Variants in PCDHGB1 observed in about 807,000 individuals in gnomAD.
The protein encoded by PCDHGB1 is protocadherin gamma subfamily B, 1.
A neutral mutation model predicts 56.6 loss-of-function variants in PCDHGB1; 34 were observed. The ratio of observed to expected loss-of-function variants is 0.60; its 90% CI spans 0.46 to 0.80. The LOEUF (loss-of-function observed/expected upper bound fraction) is 0.80, where lower values mean the gene tolerates loss of function less well. Among genes scored for constraint, PCDHGB1 ranks in the 30% least tolerant of loss-of-function variants. PCDHGB1 has a pLI of 0.00. For synonymous variants in PCDHGB1, 561 were observed against 505.9 expected, an observed-to-expected ratio of 1.11 and a Z score of -1.46; for missense variants, 1,278 against 1,204.6, an observed-to-expected ratio of 1.06 and a Z score of -0.90.
intron 1 of PCDHGB1, among the ~76,000 whole-genome samples, chr5:141,402,439 G>C (rs1278186410): frequency 6.6e-6 from 1 of 151,914 alleles, no homozygotes; most frequent in East Asian, 1.9e-4. Context: ...TCATAAAAAG[G>C]AAATTATAAT....
Position 141,372,306 on chromosome 5 carries a change from G to T in PCDHGB1, c.2409+19637G>T, listed in dbSNP as rs771102617. 35 of 1,613,152 alleles carry T rather than the reference G, an allele frequency of 2.2e-5. No homozygotes were observed. Among genetic ancestry groups the T allele is most frequent in the African/African-American group, 9.3e-5 (7 of 75,056 alleles). ...GCGTACCTTGGGCGACAGGGAGGCC[G>T]CCCGCCAGCGCCTGCTGGTCACTGT... On this transcript the variant is annotated intron_variant, in intron 1 of 3. Coordinates refer to ENST00000523390, the MANE Select transcript of PCDHGB1 (RefSeq NM_018922.3).
At chr5:141,509,128 A>C (rs995210331) in intron 3 of PCDHGB1, among the ~76,000 whole-genome samples, 8 of 151,958 alleles carry the variant, frequency 5.3e-5, no homozygotes, top group African/African-American at 1.7e-4. Flanking sequence ...TGAAGAGAAA[A>C]ACCGAGGCGC....
intron 1 of PCDHGB1, chr5:141,385,016 C>T (rs536780147): frequency 1.2e-6 from 2 of 1,614,068 alleles, no homozygotes; most frequent in African/African-American, 1.3e-5. Flanking sequence ...GTCTTCCTAG[C>T]CTTCGTCCTC....
chr5:141,405,370 G>T (rs2094649512), intron 1 of PCDHGB1: 1 of 1,606,236 alleles, frequency 6.2e-7, no homozygotes, highest in Non-Finnish European at 8.5e-7. Context: ...ACACCCCTTT[G>T]GTTCCGGTGA....
chr5:141,457,937 G>A (rs916509260), intron 1 of PCDHGB1, among the ~76,000 whole-genome samples: 1 of 152,166 alleles, frequency 6.6e-6, no homozygotes, highest in African/African-American at 2.4e-5. Flanking sequence ...GGCTTTTATT[G>A]GCTCTGCATG....
intron 1 of PCDHGB1, chr5:141,375,181 C>A (rs868598149): frequency 4.3e-6 from 7 of 1,613,836 alleles, no homozygotes; most frequent in Non-Finnish European, 5.9e-6. Flanking sequence ...GAACAGTAAT[C>A]GCCCTTTTTC....
chr5:141,433,048 G>T (rs777523454), intron 1 of PCDHGB1: 20 of 1,614,142 alleles, frequency 1.2e-5, no homozygotes, highest in Non-Finnish European at 1.5e-5. Flanking sequence ...CCACGGACTC[G>T]CGGAAGAGTC....
At chr5:141,453,370 G>A (rs969698165) in intron 1 of PCDHGB1, among the ~76,000 whole-genome samples, 1 of 152,046 alleles carries the variant, frequency 6.6e-6, no homozygotes, top group Non-Finnish European at 1.5e-5. Context: ...CTGGGGTCAA[G>A]TGATCCTCCT....
chr5:141,395,182 C>A (rs143509166), intron 1 of PCDHGB1: 1 of 1,614,114 alleles, frequency 6.2e-7, no homozygotes, highest in South Asian at 1.1e-5. Context: ...AAAAATGATT[C>A]TTTGTTAACA....
At chr5:141,447,230 C>G (rs1309076828) in intron 1 of PCDHGB1, among the ~76,000 whole-genome samples, 1 of 152,132 alleles carries the variant, frequency 6.6e-6, no homozygotes, top group Non-Finnish European at 1.5e-5. Flanking sequence ...ACCTCCGCCT[C>G]CCGGGTTCAA....
At chr5:141,506,934 G>A (rs187503673) in intron 3 of PCDHGB1, among the ~76,000 whole-genome samples, 54 of 152,232 alleles carry the variant, frequency 3.5e-4, no homozygotes, top group African/African-American at 1.3e-3. Flanking sequence ...AAACTTTAGG[G>A]GCCTCCTGTC....
intron 1 of PCDHGB1, 48 bp from the exon 2 acceptor site, chr5:141,494,759 C>CT: frequency 6.2e-7 from 1 of 1,613,886 alleles, no homozygotes; most frequent in Non-Finnish European, 8.5e-7. Flanking sequence ...GGGTGACATT[C>CT]TAACTTCTCA....
rs762687404 is a variant in PCDHGB1 at position 141,486,468 on chromosome 5, A to G, written c.2410-8339A>G. Reference sequence around the variant, plus strand: ...ATGGTCACTGCTTCTGATGCTGGGAACCCTCCTCTCAGTACCCACAGAACT... The same window carrying G: ...ATGGTCACTGCTTCTGATGCTGGGAGCCCTCCTCTCAGTACCCACAGAACT... On this transcript the variant is annotated intron_variant, in intron 1 of 3. Transcript: ENST00000523390. This position sits in a 1 kb window ranked among gnomAD's most constrained non-coding sequence, Gnocchi z 5.0. The G allele has an allele frequency of 1.2e-6, 2 of 1,612,906 alleles. No individual in the cohort carries two copies. Among genetic ancestry groups the G allele is most frequent in the Middle Eastern group, 1.6e-4 (1 of 6,062 alleles).
At chr5:141,370,615 T>A in intron 1 of PCDHGB1, 2 of 1,613,882 alleles carry the variant, frequency 1.2e-6, no homozygotes, top group Non-Finnish European at 1.7e-6. Context: ...GAGAAGAAAT[T>A]CTTTACCGTG....
intron 1 of PCDHGB1, chr5:141,393,027 A>C (rs868285753): frequency 1.2e-6 from 2 of 1,613,818 alleles, no homozygotes; most frequent in Non-Finnish European, 1.7e-6. Flanking sequence ...CAGAGGTAGG[A>C]CGCAGCTCTT....
At chr5:141,444,531 CTG>C (rs2098439915) in intron 1 of PCDHGB1, among the ~76,000 whole-genome samples, 1 of 152,100 alleles carries the variant, frequency 6.6e-6, no homozygotes, top group Non-Finnish European at 1.5e-5. Context: ...GAGACAGTGA[CTG>C]TGTCTAGTGA....
chr5:141,371,325 G>A (rs1335421404), intron 1 of PCDHGB1: 2 of 1,613,966 alleles, frequency 1.2e-6, no homozygotes, highest in Non-Finnish European at 8.5e-7. Context: ...GGACTTTGAA[G>A]AGAGAGATAG....
intron 1 of PCDHGB1, chr5:141,427,685 C>T: frequency 1.2e-6 from 1 of 852,116 alleles, no homozygotes; most frequent in Non-Finnish European, 1.9e-6. Context: ...TTCCCGGAGC[C>T]TCCATCCCAC....
intron 1 of PCDHGB1, among the ~76,000 whole-genome samples, chr5:141,451,875 T>C (rs747595781): frequency 5.9e-5 from 9 of 151,594 alleles, no homozygotes; most frequent in Non-Finnish European, 1.3e-4. Context: ...AATGAAACCC[T>C]GTCAAGAAAG....
Sources: gnomAD v4.1 joint callset for allele counts (sites outside exome capture counted in the v4.1 genomes callset) on GRCh38, gnomAD v4.1.1 for gene constraint, Gnocchi (gnomAD v3.1) non-coding constraint, MANE v1.5 for transcripts, NCBI Gene and HGNC (gene_info 2026-07-23, HGNC 2026-07-21) for gene names.